Variants in SCUBE3 observed in about 807,000 individuals in gnomAD.
SCUBE3 encodes the protein signal peptide, CUB and EGF-like domain-containing protein 3.
SCUBE3 carries 33 observed loss-of-function variants against 116.8 expected under a neutral mutation model. The ratio of observed to expected loss-of-function variants is 0.28; its 90% CI spans 0.21 to 0.38. The LOEUF (loss-of-function observed/expected upper bound fraction) is 0.38. Ranked by LOEUF, SCUBE3 falls within the 10% of genes least tolerant of loss-of-function variation. SCUBE3 has a pLI of 1.00. For missense variants in SCUBE3, 1,007 were observed against 1,324.8 expected (o/e 0.76, Z 3.72); for synonymous variants, 418 against 496.9 (o/e 0.84, Z 2.11).
rs751166770 is a variant in SCUBE3, at chr6:35,248,591, A to T, written c.2868A>T (p.Leu956=). 6 of 1,613,912 alleles carry T rather than the reference A, an allele frequency of 3.7e-6. No individual in the cohort carries two copies. The highest frequency in any genetic ancestry group is 5.1e-6 in the Non-Finnish European group (6 of 1,179,940). Residue 956 remains leucine (L), a synonymous_variant, in exon 22 of 22, where the codon CTA becomes CTT. Coordinates refer to ENST00000274938, the MANE Select transcript of SCUBE3 (RefSeq NM_152753.4). ...TCATCAAGGCCTTCTTTGAGGTGCT[A>T]GCCCACCCCCAGAACTACTTCAAGT... is the stretch of plus-strand genomic sequence containing the variant. The part of the protein sequence containing the change: ...KKLIKAFFEV[L]AHPQNYFKYT...
Position 35,246,395 on chromosome 6 carries a change from C to T in SCUBE3, c.2832+110C>T. Reference sequence around the variant, plus strand: ...TATTCTCACTTGATAGACACAATAGCTCTATGAGGTAGGTGCTTTCTCCAT... The same window carrying T: ...TATTCTCACTTGATAGACACAATAGTTCTATGAGGTAGGTGCTTTCTCCAT... On this transcript the variant is annotated intron_variant, in intron 21 of 21. Transcript: ENST00000274938. The T allele has an allele frequency of 5.0e-6, 4 of 798,682 alleles. No homozygotes were observed. In the South Asian group the frequency reaches 6.4e-5, roughly 13 times the overall value. The allele number at this position is 798,682 out of a possible 1,614,324, so 49.5% of individuals were successfully genotyped here. A position where few individuals can be genotyped will look rare whatever the true frequency, so the allele number is the denominator to read the frequency against.
rs778024917 is a variant in SCUBE3 at position 35,243,225 on chromosome 6, G to T, written c.1898G>T (p.Gly633Val). Residue 633 changes from glycine (G) to valine (V), a missense_variant, in exon 15 of 22, where the codon GGG becomes GTG. Gly to Val is a moderately radical substitution (Grantham distance 109). Coordinates refer to ENST00000274938, the MANE Select transcript of SCUBE3 (RefSeq NM_152753.4). The surrounding 1 kb of genome is among the most constrained non-coding windows in gnomAD (Gnocchi z 6.6). Reference protein sequence around the residue: ...ESCRPGQHRAGTKCVSCPQGT... With the variant: ...ESCRPGQHRAVTKCVSCPQGT... The stretch of plus-strand genomic sequence containing the variant: ...TGTAGGCCCGGGCAGCACCGTGCTG[G>T]GACCAAGTGTGGTAAGGGAGCTTAC... 1 of 1,613,734 alleles carries T rather than the reference G, an allele frequency of 6.2e-7. No individual in the cohort carries two copies. The highest frequency in any genetic ancestry group is 8.5e-7 in the Non-Finnish European group (1 of 1,179,906).
At chr6:35,242,873 C>A in intron 14 of SCUBE3, 93 bp downstream of exon 14, 1 of 1,533,986 alleles carries the variant, frequency 6.5e-7, no homozygotes, top group Non-Finnish European at 9.0e-7. Context: ...AGGGATGGAG[C>A]CTGTACTAGG....
chr6:35,229,195 G>A (rs571533220), intron 3 of SCUBE3, among the ~76,000 whole-genome samples: 1 of 152,260 alleles, frequency 6.6e-6, no homozygotes, highest in African/African-American at 2.4e-5. Context: ...GACTGCTAGA[G>A]CCCAGGAGTT....
At chr6:35,226,998 G>A (rs1406995448) in intron 1 of SCUBE3, among the ~76,000 whole-genome samples, 3 of 152,158 alleles carry the variant, frequency 2.0e-5, no homozygotes, top group African/African-American at 7.2e-5. Flanking sequence ...GGCAGCACAG[G>A]GGCCGAGGAA....
chr6:35,243,278 A>T lies in SCUBE3; in HGVS notation c.1909+42A>T. ...GGGAGCAGGGATGTAGGAAAGACCCAGTTTGGGCCTGACTCAGAGCAGGAC... is the reference window on the plus strand; with the variant it reads ...GGGAGCAGGGATGTAGGAAAGACCCTGTTTGGGCCTGACTCAGAGCAGGAC... On this transcript the variant is annotated intron_variant, in intron 15 of 21. Transcript: ENST00000274938. This position sits in a 1 kb window ranked among gnomAD's most constrained non-coding sequence, Gnocchi z 6.6. The T allele has an allele frequency of 6.5e-7, 1 of 1,547,844 alleles. No individual in the cohort carries two copies. The highest frequency in any genetic ancestry group is 1.1e-5 in the South Asian group (1 of 89,736).
chr6:35,242,558 G>A, intron 13 of SCUBE3, 64 bp from the exon 14 acceptor site: 1 of 1,463,550 alleles, frequency 6.8e-7, no homozygotes, highest in Non-Finnish European at 9.5e-7. Flanking sequence ...GGGGAGGTCT[G>A]TCTGGGCTGG....
intron 21 of SCUBE3, among the ~76,000 whole-genome samples, chr6:35,247,432 C>T (rs923989822): frequency 4.6e-5 from 4 of 87,206 alleles, no homozygotes; most frequent in Non-Finnish European, 9.9e-5. Context: ...GAGTTAGACT[C>T]AGTCTCAAAA....
chr6:35,245,894 C>G lies in SCUBE3; in HGVS notation c.2600-50C>G, dbSNP rs1428436289. 1.2e-6 allele frequency: 2 copies of G among 1,601,300 alleles called. No individual in the cohort carries two copies. Among genetic ancestry groups the G allele is most frequent in the Admixed American group, 1.7e-5 (1 of 59,110 alleles). On this transcript the variant is annotated intron_variant, in intron 19 of 21. Coordinates refer to ENST00000274938, the MANE Select transcript of SCUBE3 (RefSeq NM_152753.4). The surrounding 1 kb of genome is among the most constrained non-coding windows in gnomAD (Gnocchi z 4.2). The stretch of plus-strand genomic sequence containing the variant: ...CTGTACAGCCCACGTTCTAGGAGGG[C>G]TTGGGTAGCCTGCCCTGCTGCTCTA...
rs1057253563 is a variant in SCUBE3, at chr6:35,245,277, C to T, written c.2451C>T (p.Ser817=). 6.2e-7 allele frequency: 1 copy of T among 1,613,962 alleles called. No individual in the cohort carries two copies. Among genetic ancestry groups the T allele is most frequent in the African/African-American group, 1.3e-5 (1 of 74,866 alleles). Residue 817 remains serine (S), a synonymous_variant, in exon 19 of 22, where the codon TCC becomes TCT. Transcript: ENST00000274938. This position sits in a 1 kb window ranked among gnomAD's most constrained non-coding sequence, Gnocchi z 4.2. ...ELGEFTGYIE[S]PNYPGNYPAG... is the part of the protein sequence containing the mutation. ...GTGAGTTCACTGGCTATATTGAGTC[C>T]CCCAACTACCCGGGCAACTACCCAG...
rs553720337 is a variant in SCUBE3 at position 35,214,192 on chromosome 6, C to T, written c.-227C>T. On this transcript the variant is annotated 5_prime_UTR_variant, in exon 1 of 22. Transcript: ENST00000274938. The surrounding 1 kb of genome is among the most constrained non-coding windows in gnomAD (Gnocchi z 6.3). ...TCGCCCCTGGCGCCCCTCGCCTCGTCGCACTCTCCGCCTCGCTCTCCCCGA... is the reference window on the plus strand; with the variant it reads ...TCGCCCCTGGCGCCCCTCGCCTCGTTGCACTCTCCGCCTCGCTCTCCCCGA... 1.8e-4 allele frequency among the ~76,000 whole-genome samples: 27 copies of T among 152,254 alleles called. No homozygotes were observed. Among genetic ancestry groups the T allele is most frequent in the African/African-American group, 5.3e-4 (22 of 41,576 alleles).
rs1581900890 is a variant in SCUBE3, at chr6:35,214,549, G to A, written c.85+46G>A. ...GGCCTGGGGGCTGTCCTGGCTGCTGGGCCTCAGGGCCTAGGAGCGATTCCC... is the reference window on the plus strand; with the variant it reads ...GGCCTGGGGGCTGTCCTGGCTGCTGAGCCTCAGGGCCTAGGAGCGATTCCC... On this transcript the variant is annotated intron_variant, in intron 1 of 21. Coordinates refer to ENST00000274938, the MANE Select transcript of SCUBE3 (RefSeq NM_152753.4). This position sits in a 1 kb window ranked among gnomAD's most constrained non-coding sequence, Gnocchi z 6.3. 8.0e-7 allele frequency: 1 copy of A among 1,257,472 alleles called. No homozygotes were observed. The highest frequency in any genetic ancestry group is 1.1e-6 in the Non-Finnish European group (1 of 939,824). The allele number at this position is 1,257,472 out of a possible 1,614,324, so 77.9% of individuals were successfully genotyped here. A position where few individuals can be genotyped will look rare whatever the true frequency, so the allele number is the denominator to read the frequency against.
At chr6:35,238,073 G>A in intron 7 of SCUBE3, 55 bp downstream of exon 7, 1 of 1,051,872 alleles carries the variant, frequency 9.5e-7, no homozygotes, top group Non-Finnish European at 1.5e-6. Flanking sequence ...GGCTGAGGTT[G>A]GGACCAGAGA....
rs1784041020 is a variant in SCUBE3 at position 35,241,411 on chromosome 6, A to G, written c.1196-132A>G. 8.7e-7 allele frequency: 1 copy of G among 1,153,552 alleles called. No individual in the cohort carries two copies. Among genetic ancestry groups the G allele is most frequent in the Non-Finnish European group, 1.3e-6 (1 of 781,706 alleles). The allele number at this position is 1,153,552 out of a possible 1,614,324, so 71.5% of individuals were successfully genotyped here. ...AGCCATTTTGAGTTAAAGACATGAA[A>G]TTTGTAGTAAACAATCCCATCATCA... On this transcript the variant is annotated intron_variant, in intron 10 of 21. Coordinates refer to ENST00000274938, the MANE Select transcript of SCUBE3 (RefSeq NM_152753.4). The surrounding 1 kb of genome is among the most constrained non-coding windows in gnomAD (Gnocchi z 4.1).
Position 35,245,519 on chromosome 6 carries a change from C to A in SCUBE3, c.2599+94C>A. 1.2e-5 allele frequency: 13 copies of A among 1,069,088 alleles called. No individual in the cohort carries two copies. 66.2% of individuals were successfully genotyped at this position (1,069,088 alleles called of 1,614,324 possible). ...GAGACTGATACAGGAAGAAATGGGG[C>A]AGTGAAGTTAGGGATCTATGAGGGT... On this transcript the variant is annotated intron_variant, in intron 19 of 21. Coordinates refer to ENST00000274938, the MANE Select transcript of SCUBE3 (RefSeq NM_152753.4). This position sits in a 1 kb window ranked among gnomAD's most constrained non-coding sequence, Gnocchi z 4.2.
At chr6:35,236,889 C>G (rs1783798141) in intron 6 of SCUBE3, among the ~76,000 whole-genome samples, 1 of 152,224 alleles carries the variant, frequency 6.6e-6, no homozygotes, top group South Asian at 2.1e-4. Context: ...GGGGCCTTCA[C>G]TGTTTGAACT....
chr6:35,219,677 A>C lies in SCUBE3; in HGVS notation c.85+5174A>C, dbSNP rs1023127769. 6.6e-6 allele frequency among the ~76,000 whole-genome samples: 1 copy of C among 151,112 alleles called. No individual in the cohort carries two copies. ...CTAAGGAATCCCTCTGAAAGTGGGG[A>C]GTATCAGGATATGTGGGCATTGGGG... On this transcript the variant is annotated intron_variant, in intron 1 of 21. Transcript: ENST00000274938. This position sits in a 1 kb window ranked among gnomAD's most constrained non-coding sequence, Gnocchi z 4.7.
chr6:35,224,454 C>G (rs1783243653), intron 1 of SCUBE3: 1 of 151,978 alleles, frequency 6.6e-6, no homozygotes, highest in South Asian at 2.1e-4. Context: ...GTGGCAAAAC[C>G]ATGTCTCTAT....
In SCUBE3 at chr6:35,214,497, G is replaced by A; in HGVS notation, c.79G>A (p.Ala27Thr). ...HARAAQYSKA[A>T]QDVDECVEGT... The stretch of plus-strand genomic sequence containing the variant: ...CCGCGCCGCCCAGTACAGCAAAGCC[G>A]CGCAAGGTAAGGAAGGAGGGGCGCG... Residue 27 changes from alanine to threonine, a missense_variant, in exon 1 of 22, where the codon GCG (alanine) becomes ACG (threonine). Coordinates refer to ENST00000274938, the MANE Select transcript of SCUBE3 (RefSeq NM_152753.4). This position sits in a 1 kb window ranked among gnomAD's most constrained non-coding sequence, Gnocchi z 6.3. The A allele has an allele frequency of 1.3e-6, 2 of 1,497,324 alleles. No individual in the cohort carries two copies. Among genetic ancestry groups the A allele is most frequent in the Non-Finnish European group, 1.8e-6 (2 of 1,125,990 alleles). The allele number at this position is 1,497,324 out of a possible 1,614,324, so 92.8% of individuals were successfully genotyped here. A position where few individuals can be genotyped will look rare whatever the true frequency, so the allele number is the denominator to read the frequency against.
Sources: gnomAD v4.1 joint callset for allele counts (sites outside exome capture counted in the v4.1 genomes callset) on GRCh38, gnomAD v4.1.1 for gene constraint, Gnocchi (gnomAD v3.1) non-coding constraint, MANE v1.5 for transcripts, NCBI Gene and HGNC (gene_info 2026-07-23, HGNC 2026-07-21) for gene names.